CNTNAP4: variants seen among roughly 807,000 people sequenced by gnomAD.
CNTNAP4 encodes the protein contactin associated protein family member 4.
Under a neutral mutation model 148.4 loss-of-function variants are expected in CNTNAP4, and 98 were observed. That is an observed-to-expected ratio of 0.66 (90% CI 0.56 to 0.78). The LOEUF is 0.78. Ranked by LOEUF, CNTNAP4 falls within the 30% of genes least tolerant of loss-of-function variation. The probability of loss-of-function intolerance (pLI) is 0.00; values close to 1 mark genes in which losing one functional copy is unlikely to be tolerated. For synonymous variants in CNTNAP4, 730 were observed against 565.1 expected, an observed-to-expected ratio of 1.29 and a Z score of -4.14; for missense variants, 1,935 against 1,565.6, an observed-to-expected ratio of 1.24 and a Z score of -3.98.
chr16:76,548,761 C>T (rs1005865256), intron 21 of CNTNAP4, among the ~76,000 whole-genome samples: 1 of 152,148 alleles, frequency 6.6e-6, no homozygotes, highest in African/African-American at 2.4e-5. Context: ...AGACATTTGT[C>T]ATCAGTCTCT....
chr16:76,459,486 T>G (rs1022788987), intron 8 of CNTNAP4, among the ~76,000 whole-genome samples: 1 of 152,228 alleles, frequency 6.6e-6, no homozygotes, highest in African/African-American at 2.4e-5. Context: ...AGTGAGCTTC[T>G]GTGCCCTGGC....
chr16:76,559,341 A>G lies in CNTNAP4; in HGVS notation c.*658A>G, dbSNP rs186903140. The G allele has an allele frequency of 3.3e-5, 5 of 152,312 alleles. No individual in the cohort carries two copies. Among genetic ancestry groups the G allele is most frequent in the Admixed American group, 1.3e-4 (2 of 15,298 alleles). 9.4% of individuals were successfully genotyped at this position (152,312 alleles called of 1,614,324 possible). A position where few individuals can be genotyped will look rare whatever the true frequency, so the allele number is the denominator to read the frequency against. On this transcript the variant is annotated 3_prime_UTR_variant, in exon 24 of 24. Transcript: ENST00000611870. ...TGAGTCTCAGACTTCAACTCTGAACATACAAGTTGTATTTAACAAGACTCA... is the reference window on the plus strand; with the variant it reads ...TGAGTCTCAGACTTCAACTCTGAACGTACAAGTTGTATTTAACAAGACTCA...
At chr16:76,547,732 T>A (rs972367944) in intron 21 of CNTNAP4, among the ~76,000 whole-genome samples, 2 of 152,200 alleles carry the variant, frequency 1.3e-5, no homozygotes, top group African/African-American at 2.4e-5. Context: ...CCCATAGGGA[T>A]CATTTATCTC....
chr16:76,458,828 T>C (rs1399443757), intron 8 of CNTNAP4, among the ~76,000 whole-genome samples: 1 of 152,198 alleles, frequency 6.6e-6, no homozygotes. Context: ...TTCCTCTGGG[T>C]ATAGACCCAG....
chr16:76,448,258 A>G, intron 5 of CNTNAP4, 43 bp downstream of exon 5: 2 of 1,383,624 alleles, frequency 1.4e-6, no homozygotes, highest in Non-Finnish European at 2.0e-6. Flanking sequence ...GATTATTTAG[A>G]TATCACCTAA....
chr16:76,407,624 T>G (rs185485953), intron 3 of CNTNAP4, among the ~76,000 whole-genome samples: 1 of 152,224 alleles, frequency 6.6e-6, no homozygotes, highest in East Asian at 1.9e-4. Flanking sequence ...AAGATGTGAC[T>G]GAATTGCTGC....
rs1366816134 is a variant in CNTNAP4, at chr16:76,558,773, G to A, written c.*90G>A. 1.0e-6 allele frequency: 1 copy of A among 985,192 alleles called. No homozygotes were observed. Among genetic ancestry groups the A allele is most frequent in the South Asian group, 1.9e-5 (1 of 53,682 alleles). 61.0% of individuals were successfully genotyped at this position (985,192 alleles called of 1,614,324 possible). A position where few individuals can be genotyped will look rare whatever the true frequency, so the allele number is the denominator to read the frequency against. ...AAAAACGAATGCTCTTACACTGAATGTACAGGCAGTGGGCTTGCAGCACTG... is the reference window on the plus strand; with the variant it reads ...AAAAACGAATGCTCTTACACTGAATATACAGGCAGTGGGCTTGCAGCACTG... On this transcript the variant is annotated 3_prime_UTR_variant, in exon 24 of 24. Coordinates refer to ENST00000611870, the MANE Select transcript of CNTNAP4 (RefSeq NM_033401.5).
chr16:76,393,301 C>T (rs4516260), intron 3 of CNTNAP4, among the ~76,000 whole-genome samples: 56,919 of 152,062 alleles, frequency 0.37, 11,222 homozygotes, highest in Middle Eastern at 0.49. Flanking sequence ...TGGCATTAAT[C>T]ATATCCCAAG....
intron 18 of CNTNAP4, among the ~76,000 whole-genome samples, chr16:76,536,471 C>T (rs1410838533): frequency 6.6e-6 from 1 of 152,146 alleles, no homozygotes; most frequent in Non-Finnish European, 1.5e-5. Flanking sequence ...GCTGGGATTA[C>T]AGACGTGAGT....
intron 17 of CNTNAP4, among the ~76,000 whole-genome samples, chr16:76,532,206 A>G (rs1004386976): frequency 6.6e-6 from 1 of 152,238 alleles, no homozygotes; most frequent in African/African-American, 2.4e-5. Flanking sequence ...AGATGAGCTG[A>G]TGCATACAAG....
intron 3 of CNTNAP4, among the ~76,000 whole-genome samples, chr16:76,374,856 C>T (rs1453627426): frequency 6.6e-6 from 1 of 151,664 alleles, no homozygotes; most frequent in East Asian, 1.9e-4. Flanking sequence ...GCAACCTCTG[C>T]CTCCTGGGTT....
chr16:76,323,885 C>G (rs1166714911), intron 2 of CNTNAP4, among the ~76,000 whole-genome samples: 1 of 152,174 alleles, frequency 6.6e-6, no homozygotes, highest in East Asian at 1.9e-4. Context: ...GATTATAATA[C>G]TAAATTGTGA....
chr16:76,339,823 A>G (rs1249094202), intron 2 of CNTNAP4, among the ~76,000 whole-genome samples: 1 of 152,246 alleles, frequency 6.6e-6, no homozygotes, highest in Non-Finnish European at 1.5e-5. Flanking sequence ...AAATATGTCC[A>G]TGGCTTTCTA....
intron 15 of CNTNAP4, among the ~76,000 whole-genome samples, chr16:76,517,718 A>G (rs150630627): frequency 7.9e-5 from 12 of 152,298 alleles, no homozygotes; most frequent in Middle Eastern, 3.4e-3. Context: ...GTGCTATTGA[A>G]TGGCTTTTAG....
At chr16:76,287,160 G>T (rs756171164) in intron 1 of CNTNAP4, among the ~76,000 whole-genome samples, 1 of 151,996 alleles carries the variant, frequency 6.6e-6, no homozygotes, top group Non-Finnish European at 1.5e-5. Context: ...AAAGAACTAG[G>T]GTACATTTAA....
intron 1 of CNTNAP4, among the ~76,000 whole-genome samples, chr16:76,288,468 T>C (rs566503712): frequency 2.0e-5 from 3 of 152,232 alleles, no homozygotes; most frequent in African/African-American, 4.8e-5. Context: ...TACCCTCAAA[T>C]ACTTCACTCT....
intron 3 of CNTNAP4, among the ~76,000 whole-genome samples, chr16:76,405,302 G>A (rs1023361815): frequency 6.6e-6 from 1 of 152,104 alleles, no homozygotes; most frequent in Non-Finnish European, 1.5e-5. Flanking sequence ...ATTTAGATCT[G>A]ATCACTATAA....
chr16:76,513,694 G>T (rs930008035), intron 15 of CNTNAP4, among the ~76,000 whole-genome samples: 8 of 152,120 alleles, frequency 5.3e-5, no homozygotes, highest in African/African-American at 1.9e-4. Flanking sequence ...ACAGTAATGT[G>T]TATGCTGTAA....
intron 15 of CNTNAP4, among the ~76,000 whole-genome samples, chr16:76,517,586 A>C (rs1025528225): frequency 1.3e-5 from 2 of 152,212 alleles, no homozygotes; most frequent in African/African-American, 4.8e-5. Context: ...TGTTATATGC[A>C]TTTTGATTTT....
Sources: allele counts gnomAD v4.1 joint callset (sites outside exome capture counted in the v4.1 genomes callset), GRCh38; gene constraint gnomAD v4.1.1; transcripts MANE v1.5; gene names NCBI Gene and HGNC (gene_info 2026-07-23, HGNC 2026-07-21).